The following AK5 variants were observed in gnomAD, a reference collection of about 807,000 sequenced individuals.
AK5 encodes the protein adenylate kinase isoenzyme 5.
AK5 carries 27 observed loss-of-function variants against 69.5 expected under a neutral mutation model. The observed-to-expected ratio is 0.39, with a 90% CI of 0.29 to 0.54. The LOEUF (loss-of-function observed/expected upper bound fraction) is 0.54, where lower values mean the gene tolerates loss of function less well. Ranked by LOEUF, AK5 falls within the 20% of genes least tolerant of loss-of-function variation. AK5 has a pLI of 0.71. For missense variants in AK5, 531 were observed against 700.4 expected, an observed-to-expected ratio of 0.76 and a Z score of 2.73; for synonymous variants, 260 against 244.4, an observed-to-expected ratio of 1.06 and a Z score of -0.60.
chr1:77,505,691 AC>A (rs1656985064), intron 10 of AK5, among the ~76,000 whole-genome samples: 2 of 151,808 alleles, frequency 1.3e-5, no homozygotes, highest in South Asian at 4.1e-4. Flanking sequence ...ACATGGTGAA[AC>A]CCTGTCTCTA....
chr1:77,475,153 A>C (rs67045981), intron 8 of AK5, among the ~76,000 whole-genome samples: 23,607 of 124,460 alleles, frequency 0.19, 2,165 homozygotes, highest in Admixed American at 0.27. Context: ...TGCTAGGAGT[A>C]TGTGTGTGTG....
intron 6 of AK5, among the ~76,000 whole-genome samples, chr1:77,405,117 T>C (rs1051431031): frequency 2.0e-5 from 3 of 152,206 alleles, no homozygotes; most frequent in South Asian, 2.1e-4. Flanking sequence ...ATATGGGACA[T>C]GGTCTCTCAG....
At chr1:77,413,217 T>C (rs568575592) in intron 7 of AK5, among the ~76,000 whole-genome samples, 2 of 152,154 alleles carry the variant, frequency 1.3e-5, no homozygotes, top group South Asian at 4.1e-4. Context: ...ATACCTCAAG[T>C]TCCTTCCTGC....
At chr1:77,298,410 T>A (rs1200750523) in intron 5 of AK5, among the ~76,000 whole-genome samples, 1 of 151,956 alleles carries the variant, frequency 6.6e-6, no homozygotes, top group Non-Finnish European at 1.5e-5. Context: ...CTATGCCTGC[T>A]CAACCCCCAA....
chr1:77,286,511 A>G (rs1658360251), intron 1 of AK5, among the ~76,000 whole-genome samples: 1 of 151,932 alleles, frequency 6.6e-6, no homozygotes, highest in Admixed American at 6.6e-5. Flanking sequence ...CAAAGGACAA[A>G]AACAATCAGA....
At chr1:77,386,864 C>T (rs914305258) in intron 6 of AK5, among the ~76,000 whole-genome samples, 10 of 152,106 alleles carry the variant, frequency 6.6e-5, no homozygotes, top group African/African-American at 2.2e-4. Flanking sequence ...CCTTCCCAGT[C>T]TCTATTATCT....
rs142070959 is a variant in AK5, at chr1:77,415,658, C to T, written c.983-1981C>T. Among the ~76,000 whole-genome samples, 6 of 152,288 alleles carry T rather than the reference C, an allele frequency of 3.9e-5. No homozygotes were observed. The South Asian group carries it at 1.0e-3, about 26-fold the overall frequency. ...ATTTCCACAGCCACCCTATGACCTG[C>T]GTCATCATCAACCATTCACTGTTCC... On this transcript the variant is annotated intron_variant, in intron 7 of 13. Coordinates refer to ENST00000354567, the MANE Select transcript of AK5 (RefSeq NM_174858.3).
intron 8 of AK5, among the ~76,000 whole-genome samples, chr1:77,471,645 T>C (rs112136040): frequency 0.043 from 6,608 of 152,246 alleles, 276 homozygotes; most frequent in Admixed American, 0.13. Flanking sequence ...CCCAAAGATA[T>C]CCAATGCAAA....
chr1:77,456,536 G>A (rs796577319), intron 8 of AK5, among the ~76,000 whole-genome samples: 1 of 152,232 alleles, frequency 6.6e-6, no homozygotes, highest in East Asian at 1.9e-4. Flanking sequence ...ACTGGGCAGA[G>A]AGCATGTGCC....
chr1:77,337,686 G>T (rs1010691042), intron 5 of AK5, among the ~76,000 whole-genome samples: 3 of 151,896 alleles, frequency 2.0e-5, no homozygotes, highest in African/African-American at 7.3e-5. Flanking sequence ...ATTTTTTAAG[G>T]TTTCTCAAAA....
chr1:77,401,006 T>C (rs1649180841), intron 6 of AK5, among the ~76,000 whole-genome samples: 1 of 148,762 alleles, frequency 6.7e-6, no homozygotes, highest in African/African-American at 2.5e-5. Context: ...GGAATTCTCA[T>C]CAAAACATGG....
intron 5 of AK5, among the ~76,000 whole-genome samples, chr1:77,307,933 G>A (rs922556529): frequency 8.5e-5 from 13 of 152,114 alleles, no homozygotes; most frequent in East Asian, 3.9e-4. Flanking sequence ...ATAGATAGTC[G>A]TCAACTTGGT....
chr1:77,367,597 G>GTTATATATA (rs781304069), intron 6 of AK5, among the ~76,000 whole-genome samples: 3 of 51,066 alleles, frequency 5.9e-5, no homozygotes, highest in Admixed American at 3.0e-4. Flanking sequence ...TGTTATATAT[G>GTTATATATA]TAATATATAT....
intron 8 of AK5, chr1:77,417,949 T>C (rs1650539486): frequency 2.6e-6 from 1 of 377,466 alleles, no homozygotes; most frequent in African/African-American, 2.1e-5. Flanking sequence ...AGGTTTATCA[T>C]CAAACGTTAA....
At position 77,287,007 on chromosome 1, in the gene AK5, C is replaced by T; in HGVS notation, c.127C>T (p.Gln43Ter). ...DPVEYLESCL[Q>*]KVKELGGCDK... ...AGTAGAATACTTGGAAAGTTGTTTA[C>T]AAAAAGTAAAGGAACTGGGTGGCTG... Residue 43 changes from glutamine (Q) to a stop codon, truncating the protein, a stop_gained, in exon 2 of 14, where the codon CAA becomes TAA. Transcript: ENST00000354567. LOFTEE classifies it high-confidence loss of function. The T allele has an allele frequency of 6.2e-7, 1 of 1,607,298 alleles. No individual in the cohort carries two copies. The highest frequency in any genetic ancestry group is 8.5e-7 in the Non-Finnish European group (1 of 1,176,390).
chr1:77,472,088 A>G (rs905609816), intron 8 of AK5, among the ~76,000 whole-genome samples: 2 of 152,266 alleles, frequency 1.3e-5, no homozygotes, highest in African/African-American at 4.8e-5. Flanking sequence ...GCAATTGTGC[A>G]TAAGTTAAGC....
intron 6 of AK5, among the ~76,000 whole-genome samples, chr1:77,374,886 C>A (rs1355411857): frequency 6.6e-6 from 1 of 151,524 alleles, no homozygotes; most frequent in Non-Finnish European, 1.5e-5. Flanking sequence ...ATCTGATTTT[C>A]TGATTTGTCC....
intron 1 of AK5, chr1:77,283,650 C>A (rs1658187959): frequency 2.0e-6 from 2 of 979,808 alleles, no homozygotes; most frequent in African/African-American, 3.5e-5. Context: ...TATGTGAAGC[C>A]CAAATCTAGC....
chr1:77,299,450 AG>A (rs1210073871), intron 5 of AK5, among the ~76,000 whole-genome samples: 6 of 152,138 alleles, frequency 3.9e-5, no homozygotes, highest in Non-Finnish European at 5.9e-5. Flanking sequence ...GTTCACGGCC[AG>A]GGGTAGCTTT....
Sources: allele counts gnomAD v4.1 joint callset (sites outside exome capture counted in the v4.1 genomes callset), GRCh38; gene constraint gnomAD v4.1.1; transcripts MANE v1.5; gene names NCBI Gene and HGNC (gene_info 2026-07-23, HGNC 2026-07-21).